Variants in CCDC27 observed in about 807,000 individuals in gnomAD.
CCDC27 encodes coiled-coil domain containing 27.
In CCDC27, 80 loss-of-function variants were observed where a neutral mutation model predicts 80.3. That is an observed-to-expected ratio of 1.00 (90% CI 0.83 to 1.20). CCDC27 has a LOEUF of 1.20. Among genes scored for constraint, CCDC27 ranks in the 50% most tolerant of loss-of-function variants. The probability of loss-of-function intolerance (pLI) is 0.00; values close to 1 mark genes in which losing one functional copy is unlikely to be tolerated. For missense variants in CCDC27, 815 were observed against 809.4 expected, an observed-to-expected ratio of 1.01 and a Z score of -0.08; for synonymous variants, 342 against 334.3, an observed-to-expected ratio of 1.02 and a Z score of -0.25.
At position 3,763,046 on chromosome 1, in the gene CCDC27, G is replaced by C. The variant is rs1643125983; in HGVS notation, c.955-62G>C. ...CCCGGTGCCCCCGCCATGAGCATTA[G>C]AGCCCTCTGCCCTGGGGGTGCCCCG... On this transcript the variant is annotated intron_variant, in intron 6 of 11. Coordinates refer to ENST00000294600, the MANE Select transcript of CCDC27 (RefSeq NM_152492.3). This position sits in a 1 kb window ranked among gnomAD's most constrained non-coding sequence, Gnocchi z 7.5. The C allele has an allele frequency of 2.1e-6, 3 of 1,440,024 alleles. No homozygotes were observed. Among genetic ancestry groups the C allele is most frequent in the South Asian group, 1.5e-5 (1 of 66,416 alleles). 89.2% of individuals were successfully genotyped at this position (1,440,024 alleles called of 1,614,324 possible). A position where few individuals can be genotyped will look rare whatever the true frequency, so the allele number is the denominator to read the frequency against.
chr1:3,763,924 C>A lies in CCDC27; in HGVS notation c.1452+88C>A. 1 of 1,523,204 alleles carries A rather than the reference C, an allele frequency of 6.6e-7. No homozygotes were observed. Among genetic ancestry groups the A allele is most frequent in the Non-Finnish European group, 8.8e-7 (1 of 1,130,594 alleles). 94.4% of individuals were successfully genotyped at this position (1,523,204 alleles called of 1,614,324 possible). A position where few individuals can be genotyped will look rare whatever the true frequency, so the allele number is the denominator to read the frequency against. On this transcript the variant is annotated intron_variant, in intron 8 of 11. Transcript: ENST00000294600. This position sits in a 1 kb window ranked among gnomAD's most constrained non-coding sequence, Gnocchi z 7.5. ...CCGGCAGCTCGGGGCAGGCGCTGCCCGTCCCATCTACTGATGGAGACTTTG... is the reference window on the plus strand; with the variant it reads ...CCGGCAGCTCGGGGCAGGCGCTGCCAGTCCCATCTACTGATGGAGACTTTG...
At chr1:3,764,565 A>G (rs943904657) in intron 8 of CCDC27, among the ~76,000 whole-genome samples, 2 of 152,210 alleles carry the variant, frequency 1.3e-5, no homozygotes, top group African/African-American at 4.8e-5. Context: ...TCAATGTTGC[A>G]CTGACATCAT....
In CCDC27 at chr1:3,769,613, C is replaced by A. The variant is rs1377772677; in HGVS notation, c.1744-170C>A. ...GATCCGGCACCTCCTAGCTCTCAGA[C>A]AATCCACATTGACTTCTCTGACACC... On this transcript the variant is annotated intron_variant, in intron 10 of 11. Transcript: ENST00000294600. This position sits in a 1 kb window ranked among gnomAD's most constrained non-coding sequence, Gnocchi z 4.6. Among the ~76,000 whole-genome samples, 1 of 152,112 alleles carries A rather than the reference C, an allele frequency of 6.6e-6. No individual in the cohort carries two copies. The highest frequency in any genetic ancestry group is 2.4e-5 in the African/African-American group (1 of 41,402).
intron 4 of CCDC27, among the ~76,000 whole-genome samples, chr1:3,759,549 C>T (rs1199713408): frequency 6.6e-6 from 1 of 152,146 alleles, no homozygotes; most frequent in Admixed American, 6.6e-5. Context: ...CTAGTGTCTG[C>T]TTCCTTCTTT....
Position 3,755,640 on chromosome 1 carries a change from G to A in CCDC27, c.553+73G>A, listed in dbSNP as rs936397108. ...CTCGAGGCCTGCTTCTTGCAGGGTC[G>A]CTGCTTGTGCCCTGCGGAATTCCCT... On this transcript the variant is annotated intron_variant, in intron 3 of 11. Coordinates refer to ENST00000294600, the MANE Select transcript of CCDC27 (RefSeq NM_152492.3). 1.4e-5 allele frequency: 17 copies of A among 1,258,876 alleles called. No individual in the cohort carries two copies. In the East Asian group the frequency reaches 2.8e-4, roughly 21 times the overall value. 78.0% of individuals were successfully genotyped at this position (1,258,876 alleles called of 1,614,324 possible).
At chr1:3,762,753 G>C in intron 6 of CCDC27, 41 bp downstream of exon 6, 1 of 1,515,944 alleles carries the variant, frequency 6.6e-7, no homozygotes, top group Non-Finnish European at 8.9e-7. Context: ...TGGGGGACCC[G>C]GGCCCAGGAG....
At chr1:3,753,710 C>T (rs1642878529) in intron 1 of CCDC27, among the ~76,000 whole-genome samples, 1 of 152,240 alleles carries the variant, frequency 6.6e-6, no homozygotes, top group South Asian at 2.1e-4. Flanking sequence ...ACAGAGGGGA[C>T]ACACTGCTGC....
chr1:3,762,306 G>A (rs1570710692), intron 5 of CCDC27, among the ~76,000 whole-genome samples: 1 of 152,160 alleles, frequency 6.6e-6, no homozygotes, highest in East Asian at 1.9e-4. Context: ...GGTGTCTGAG[G>A]GTGGGCCACC....
intron 8 of CCDC27, among the ~76,000 whole-genome samples, chr1:3,765,048 A>C (rs1643196416): frequency 6.6e-6 from 1 of 152,114 alleles, no homozygotes; most frequent in Non-Finnish European, 1.5e-5. Flanking sequence ...AAAAAAAAAA[A>C]AAAACGATGA....
At position 3,766,260 on chromosome 1, in the gene CCDC27, T is replaced by C. The variant is rs1374729344; in HGVS notation, c.1453-275T>C. ...CCAGACCAACAATGTCTGAGACTTT[T>C]AGGAACTCAAGTGTGAATTGGGCTT... On this transcript the variant is annotated intron_variant, in intron 8 of 11. Coordinates refer to ENST00000294600, the MANE Select transcript of CCDC27 (RefSeq NM_152492.3). This position sits in a 1 kb window ranked among gnomAD's most constrained non-coding sequence, Gnocchi z 6.1. Among the ~76,000 whole-genome samples, 1 of 152,204 alleles carries C rather than the reference T, an allele frequency of 6.6e-6. No individual in the cohort carries two copies. The highest frequency in any genetic ancestry group is 2.4e-5 in the African/African-American group (1 of 41,460).
At position 3,752,928 on chromosome 1, in the gene CCDC27, G is replaced by T. The variant is rs1168010438; in HGVS notation, c.318+129G>T. On this transcript the variant is annotated intron_variant, in intron 1 of 11. Transcript: ENST00000294600. Reference sequence around the variant, plus strand: ...CCTTCTGGTGATGGGTTACCAAAGGGGGATTCCAGGCAGGCAACGAATTGA... The same window carrying T: ...CCTTCTGGTGATGGGTTACCAAAGGTGGATTCCAGGCAGGCAACGAATTGA... 7 of 1,083,414 alleles carry T rather than the reference G, an allele frequency of 6.5e-6. No homozygotes were observed. The East Asian group carries it at 1.8e-4, about 28-fold the overall frequency. The allele number at this position is 1,083,414 out of a possible 1,614,324, so 67.1% of individuals were successfully genotyped here.
At chr1:3,759,054 C>CA (rs58129008) in intron 4 of CCDC27, among the ~76,000 whole-genome samples, 3,704 of 136,518 alleles carry the variant, frequency 0.027, 91 homozygotes, top group Middle Eastern at 0.068. Flanking sequence ...ACTAAAAATA[C>CA]AAAAAAAAAA....
Position 3,761,374 on chromosome 1 carries a change from C to T in CCDC27, c.805C>T (p.Leu269=). Residue 269 remains leucine (L), a synonymous_variant, in exon 5 of 12, where the codon CTG becomes TTG. Coordinates refer to ENST00000294600, the MANE Select transcript of CCDC27 (RefSeq NM_152492.3). The surrounding 1 kb of genome is among the most constrained non-coding windows in gnomAD (Gnocchi z 5.0). ...GGAGAGGGAGGCCCTGAAGATGCAG[C>T]TGAAATGCCTTCTGAAAGGCAAAGG... is the stretch of plus-strand genomic sequence containing the variant. ...QEEREALKMQ[L]KCLLKGKGQE... 6.2e-7 allele frequency: 1 copy of T among 1,614,156 alleles called. No homozygotes were observed. The highest frequency in any genetic ancestry group is 8.5e-7 in the Non-Finnish European group (1 of 1,180,026).
chr1:3,764,469 T>A (rs529195045), intron 8 of CCDC27, among the ~76,000 whole-genome samples: 43 of 144,422 alleles, frequency 3.0e-4, no homozygotes, highest in African/African-American at 1.2e-3. Context: ...TAATGCTTCC[T>A]TTTTTTTCCT....
rs758206536 is a variant in CCDC27 at position 3,755,567 on chromosome 1, G to C, written c.553G>C (p.Gly185Arg). The C allele has an allele frequency of 6.2e-7, 1 of 1,612,690 alleles. No homozygotes were observed. The highest frequency in any genetic ancestry group is 1.7e-5 in the Admixed American group (1 of 60,028). ...GCGGGGCTCAGACACGAACGTGGAC[G>C]GTGAGGGAGCCCCTAGGGCCTCTGC... is the stretch of plus-strand genomic sequence containing the variant. ...ARRGSDTNVD[G>R]YLLPFSKSIC... Residue 185 changes from glycine (G) to arginine (R), a missense_variant and splice_region_variant, in exon 3 of 12, where the codon GGG (glycine) becomes CGG (arginine). Gly to Arg is a moderately radical substitution (Grantham distance 125). Coordinates refer to ENST00000294600, the MANE Select transcript of CCDC27 (RefSeq NM_152492.3).
intron 4 of CCDC27, among the ~76,000 whole-genome samples, chr1:3,757,425 T>TTTA (rs778017863): frequency 8.9e-4 from 135 of 151,782 alleles, no homozygotes; most frequent in Non-Finnish European, 1.3e-3. Context: ...CTTTTTTTAT[T>TTTA]TTATTATTAT....
chr1:3,757,921 CAAA>C (rs779579669), intron 4 of CCDC27, among the ~76,000 whole-genome samples: 10 of 68,082 alleles, frequency 1.5e-4, no homozygotes, highest in Non-Finnish European at 1.5e-4. Flanking sequence ...GACTCCATCT[CAAA>C]AAAAAAAAAA....
chr1:3,754,751 C>T (rs894961186), intron 2 of CCDC27, among the ~76,000 whole-genome samples: 1 of 151,348 alleles, frequency 6.6e-6, no homozygotes, highest in African/African-American at 2.4e-5. Context: ...AGCATCTGCT[C>T]CTGGACCTGG....
intron 1 of CCDC27, 33 bp downstream of exon 1, chr1:3,752,832 C>T: frequency 1.3e-6 from 2 of 1,590,226 alleles, no homozygotes. Flanking sequence ...CTGCCACGAG[C>T]CTTGAGGTGA....
Sources: allele counts gnomAD v4.1 joint callset (sites outside exome capture counted in the v4.1 genomes callset), GRCh38; gene constraint gnomAD v4.1.1; non-coding constraint Gnocchi (gnomAD v3.1); transcripts MANE v1.5; gene names NCBI Gene and HGNC (gene_info 2026-07-23, HGNC 2026-07-21).